Variants in ZNF83 observed in about 807,000 individuals in gnomAD.
The protein encoded by ZNF83 is zinc finger protein 816B.
For synonymous variants in ZNF83, 209 were observed against 213.0 expected, an observed-to-expected ratio of 0.98 and a Z score of 0.17; for missense variants, 552 against 629.9, an observed-to-expected ratio of 0.88 and a Z score of 1.32.
exon 3 of ZNF83, chr19:52,612,608 AT>A (rs1267562693): frequency 5.7e-6 from 1 of 174,820 alleles, no homozygotes; most frequent in Non-Finnish European, 1.2e-5. Flanking sequence ...TCTATCACAT[AT>A]AATTATTATA....
At chr19:52,655,544 A>C in intron 3 of ZNF83, 1 of 1,476,804 alleles carries the variant, frequency 6.8e-7, no homozygotes, top group Non-Finnish European at 9.5e-7. Flanking sequence ...TCACATCAGG[A>C]GGGACATTTT....
chr19:52,628,146 G>A (rs1161247883), intron 2 of ZNF83, among the ~76,000 whole-genome samples: 1 of 151,996 alleles, frequency 6.6e-6, no homozygotes, highest in Non-Finnish European at 1.5e-5. Flanking sequence ...AAGTTTTATT[G>A]CTCACACAAA....
At chr19:52,620,268 C>CTG (rs1346555908) in intron 2 of ZNF83, among the ~76,000 whole-genome samples, 21 of 121,326 alleles carry the variant, frequency 1.7e-4, no homozygotes, top group African/African-American at 6.5e-4. Context: ...GTGTGTATAT[C>CTG]TCTGTGTGTG....
At chr19:52,678,757 T>C (rs1390368453) in intron 1 of ZNF83, among the ~76,000 whole-genome samples, 2 of 151,952 alleles carry the variant, frequency 1.3e-5, no homozygotes, top group Admixed American at 6.6e-5. Context: ...GTGTATCACC[T>C]GAGGTAAAGA....
chr19:52,690,196 A>AAAC (rs1030509482), intron 1 of ZNF83, among the ~76,000 whole-genome samples: 3 of 149,460 alleles, frequency 2.0e-5, no homozygotes, highest in African/African-American at 5.1e-5. Context: ...AAAAAAAAAA[A>AAAC]AACAACAACA....
At chr19:52,642,261 CTTTTTTTTTTTTTT>C (rs869173970), upstream of ZNF83, among the ~76,000 whole-genome samples, 23 of 47,864 alleles carry the variant, frequency 4.8e-4, 1 homozygote, top group African/African-American at 9.6e-4. Flanking sequence ...AGTATTGTAG[CTTTTTTTTTTTTTT>C]TTTTTTTTTT....
chr19:52,622,368 T>C (rs1015508396), intron 2 of ZNF83, among the ~76,000 whole-genome samples: 1 of 152,136 alleles, frequency 6.6e-6, no homozygotes, highest in South Asian at 2.1e-4. Flanking sequence ...CAACTTAACC[T>C]GGAGTGACTT....
chr19:52,681,678 T>C (rs1292060678), intron 1 of ZNF83, among the ~76,000 whole-genome samples: 1 of 152,134 alleles, frequency 6.6e-6, no homozygotes, highest in Non-Finnish European at 1.5e-5. Flanking sequence ...ATGTCTGGGA[T>C]TCAGATTTGA....
intron 1 of ZNF83, among the ~76,000 whole-genome samples, chr19:52,678,449 C>CA (rs11387898): frequency 0.63 from 68,656 of 109,342 alleles, 20,197 homozygotes; most frequent in Admixed American, 0.69. Context: ...GACTTCATCT[C>CA]AAAAAAAAAA....
exon 3 of ZNF83, chr19:52,614,647 G>C: frequency 7.1e-7 from 1 of 1,412,174 alleles, no homozygotes; most frequent in South Asian, 1.8e-5. Context: ...CAGACACTGA[G>C]AGTCATGTAC....
In ZNF83 at chr19:52,623,233, A is replaced by G. The variant is rs187243979; in HGVS notation, c.-233-8436T>C. Among the ~76,000 whole-genome samples the G allele has an allele frequency of 4.6e-5, 7 of 152,254 alleles. No individual in the cohort carries two copies. The East Asian group carries it at 1.2e-3, about 25-fold the overall frequency. On this transcript the variant is annotated intron_variant, in intron 2 of 2. Transcript: ENST00000301096. ...AGCAGCTGAAGACTGTCACTGCCCA[A>G]TTGCCTCGGAAGCCCTCTGGACCAT...
exon 3 of ZNF83, chr19:52,612,964 A>C: frequency 6.8e-7 from 1 of 1,472,112 alleles, no homozygotes; most frequent in South Asian, 1.4e-5. Context: ...TCCAGTATAA[A>C]TTATTGTATG....
At chr19:52,681,163 T>C (rs111746145) in intron 1 of ZNF83, among the ~76,000 whole-genome samples, 3 of 149,152 alleles carry the variant, frequency 2.0e-5, no homozygotes, top group African/African-American at 7.4e-5. Context: ...CAGGCACCTG[T>C]AATCCCAGCT....
intron 3 of ZNF83, chr19:52,651,603 A>C (rs1406989110): frequency 6.6e-6 from 1 of 150,888 alleles, no homozygotes; most frequent in East Asian, 1.9e-4. Flanking sequence ...GAATTGCTTG[A>C]ATGCAGGAGG....
At chr19:52,653,354 G>T in intron 3 of ZNF83, 1 of 1,198,118 alleles carries the variant, frequency 8.3e-7, no homozygotes, top group Non-Finnish European at 1.2e-6. Flanking sequence ...TGTTGTGCAA[G>T]GTATGAATCA....
chr19:52,637,116 A>T (rs1568554003), intron 1 of ZNF83: 1 of 149,684 alleles, frequency 6.7e-6, no homozygotes, highest in Non-Finnish European at 1.5e-5. Flanking sequence ...TCTTCCCTCT[A>T]TTCCTTCTCT....
At position 52,672,356 on chromosome 19, in the gene ZNF83, G is replaced by C. The variant is rs559168127; in HGVS notation, c.-282-11513C>G. On this transcript the variant is annotated intron_variant, in intron 1 of 5. Transcript: ENST00000594682. ...ACTATGTTTTTCTCCCACATCCCTA[G>C]CTATGGAAGAATTCATCTATCAAAC... is the stretch of plus-strand genomic sequence containing the variant. Among the ~76,000 whole-genome samples, 14 of 152,290 alleles carry C rather than the reference G, an allele frequency of 9.2e-5. No homozygotes were observed. In the South Asian group the frequency reaches 2.9e-3, roughly 32 times the overall value.
intron 3 of ZNF83, chr19:52,652,460 C>A: frequency 4.9e-6 from 2 of 410,156 alleles, no homozygotes; most frequent in Non-Finnish European, 4.9e-6. Context: ...ATGACTGCCA[C>A]AATTATCACA....
intron 2 of ZNF83, among the ~76,000 whole-genome samples, chr19:52,656,446 A>G (rs2061506106): frequency 6.6e-6 from 1 of 152,018 alleles, no homozygotes; most frequent in Non-Finnish European, 1.5e-5. Flanking sequence ...AATTGCTTCA[A>G]CTCTGGAGGC....
Sources: allele counts gnomAD v4.1 joint callset (sites outside exome capture counted in the v4.1 genomes callset), GRCh38; gene constraint gnomAD v4.1.1; transcripts MANE v1.5; gene names NCBI Gene and HGNC (gene_info 2026-07-23, HGNC 2026-07-21).